ENAH: variants seen among roughly 807,000 people sequenced by gnomAD.
The protein encoded by ENAH is ENAH actin regulator.
Under a neutral mutation model 78.7 loss-of-function variants are expected in ENAH, and 23 were observed. The ratio of observed to expected loss-of-function variants is 0.29; its 90% CI spans 0.21 to 0.41. The LOEUF is 0.41. ENAH is among the 10% of genes least tolerant of loss of function. The probability of loss-of-function intolerance (pLI) is 1.00; values close to 1 mark genes in which losing one functional copy is unlikely to be tolerated. For missense variants in ENAH, 544 were observed against 691.0 expected (o/e 0.79, Z 2.39); for synonymous variants, 226 against 241.0 (o/e 0.94, Z 0.58).
chr1:225,637,882 C>T lies in ENAH; in HGVS notation c.5+14804G>A, dbSNP rs571395342. On this transcript the variant is annotated intron_variant, in intron 1 of 13. Transcript: ENST00000366843. ...AGGTTGCAGTGAGCTATGATCGCGC[C>T]ACTGCATTTCAGCCTGTGTAACAGT... 5.3e-5 allele frequency among the ~76,000 whole-genome samples: 8 copies of T among 152,220 alleles called. No homozygotes were observed. In the South Asian group the frequency reaches 1.0e-3, roughly 20 times the overall value.
chr1:225,543,605 T>C (rs1451081715), intron 3 of ENAH, among the ~76,000 whole-genome samples: 1 of 152,146 alleles, frequency 6.6e-6, no homozygotes, highest in African/African-American at 2.4e-5. Flanking sequence ...GTGGATATTT[T>C]TGACCATGAC....
chr1:225,619,280 C>T (rs918680240), intron 1 of ENAH, among the ~76,000 whole-genome samples: 1 of 152,140 alleles, frequency 6.6e-6, no homozygotes, highest in East Asian at 1.9e-4. Flanking sequence ...CGGTGGGTCA[C>T]GCCTGTAATC....
At chr1:225,639,406 T>C (rs1660617438) in intron 1 of ENAH, among the ~76,000 whole-genome samples, 1 of 152,212 alleles carries the variant, frequency 6.6e-6, no homozygotes, top group Admixed American at 6.5e-5. Flanking sequence ...GTAACAGTAC[T>C]AAGAAGTGAT....
chr1:225,634,763 T>C (rs1659759632), intron 1 of ENAH, among the ~76,000 whole-genome samples: 3 of 152,246 alleles, frequency 2.0e-5, no homozygotes, highest in Non-Finnish European at 1.5e-5. Flanking sequence ...CACTGGTCTG[T>C]AGGTCTGGTC....
At chr1:225,645,606 C>G (rs1169992809) in intron 1 of ENAH, among the ~76,000 whole-genome samples, 2 of 152,182 alleles carry the variant, frequency 1.3e-5, no homozygotes, top group Non-Finnish European at 2.9e-5. Flanking sequence ...AAACTGTTTT[C>G]TAAAGCAGCT....
chr1:225,503,859 C>T (rs1215035728), intron 11 of ENAH, among the ~76,000 whole-genome samples: 19 of 152,018 alleles, frequency 1.2e-4, no homozygotes, highest in Admixed American at 1.2e-3. Context: ...CTATGAACAC[C>T]ACTTAATTCA....
intron 10 of ENAH, among the ~76,000 whole-genome samples, chr1:225,510,804 G>A (rs1300236064): frequency 1.3e-5 from 2 of 151,954 alleles, no homozygotes; most frequent in South Asian, 2.1e-4. Context: ...TTGAGCTCAG[G>A]AGTTTGAGAC....
Position 225,572,205 on chromosome 1 carries a change from GAAGT to G in ENAH, c.6-4795_6-4792del, listed in dbSNP as rs1226104273. 1.4e-4 allele frequency among the ~76,000 whole-genome samples: 22 copies of G among 152,178 alleles called. No homozygotes were observed. The South Asian group carries it at 4.4e-3, about 30-fold the overall frequency. On this transcript the variant is annotated intron_variant, in intron 1 of 13. Transcript: ENST00000366843. The stretch of plus-strand genomic sequence containing the variant: ...GGTGAAATCTCGAGAAGAGACTGTT[GAAGT>G]AAGGAAAAAAGCTACTCACATACTA...
intron 1 of ENAH, among the ~76,000 whole-genome samples, chr1:225,579,726 T>C (rs1224769131): frequency 1.3e-5 from 2 of 152,236 alleles, no homozygotes; most frequent in African/African-American, 2.4e-5. Context: ...CACATGAACT[T>C]TGAAATCTAT....
chr1:225,503,888 T>C (rs899469319), intron 11 of ENAH, among the ~76,000 whole-genome samples: 5 of 152,132 alleles, frequency 3.3e-5, no homozygotes, highest in African/African-American at 1.2e-4. Context: ...GTGAACTTGA[T>C]GTATATTTTT....
rs949272439 is a variant in ENAH, at chr1:225,492,566, C to A, written c.*5209G>T. On this transcript the variant is annotated 3_prime_UTR_variant, in exon 14 of 14. Coordinates refer to ENST00000366843, the MANE Select transcript of ENAH (RefSeq NM_018212.6). Reference sequence around the variant, plus strand: ...TGAGTATTTAACATGCTTCACAGAACGGGGGTGCAGCTCAGTGACTGTGAT... The same window carrying A: ...TGAGTATTTAACATGCTTCACAGAAAGGGGGTGCAGCTCAGTGACTGTGAT... 1 of 152,104 alleles carries A rather than the reference C, an allele frequency of 6.6e-6. No individual in the cohort carries two copies. Among genetic ancestry groups the A allele is most frequent in the East Asian group, 1.9e-4 (1 of 5,192 alleles). 9.4% of individuals were successfully genotyped at this position (152,104 alleles called of 1,614,324 possible).
intron 1 of ENAH, among the ~76,000 whole-genome samples, chr1:225,630,344 G>A (rs908343096): frequency 1.3e-5 from 2 of 152,176 alleles, no homozygotes; most frequent in African/African-American, 4.8e-5. Flanking sequence ...TGGACTGTTG[G>A]TGTTTGAATT....
chr1:225,552,724 G>A (rs1215152391), intron 3 of ENAH, among the ~76,000 whole-genome samples: 1 of 152,102 alleles, frequency 6.6e-6, no homozygotes, highest in Non-Finnish European at 1.5e-5. Context: ...AGTATGAGTG[G>A]TTGAGATTGT....
At chr1:225,604,759 C>T (rs1042858440) in intron 1 of ENAH, among the ~76,000 whole-genome samples, 7 of 152,080 alleles carry the variant, frequency 4.6e-5, no homozygotes, top group Non-Finnish European at 8.8e-5. Flanking sequence ...CGCCATTGCA[C>T]TCCAGCCTGG....
chr1:225,616,123 G>A (rs1038824895), intron 1 of ENAH, among the ~76,000 whole-genome samples: 7 of 152,088 alleles, frequency 4.6e-5, no homozygotes, highest in African/African-American at 1.7e-4. Flanking sequence ...ACAGATGCTT[G>A]AAGGCAGCAT....
chr1:225,649,050 T>C (rs979078336), intron 1 of ENAH, among the ~76,000 whole-genome samples: 1 of 152,106 alleles, frequency 6.6e-6, no homozygotes, highest in African/African-American at 2.4e-5. Context: ...GAAATAGGCC[T>C]GGAAACAGGA....
chr1:225,530,528 G>A (rs1205928846), intron 4 of ENAH, 26 bp downstream of exon 4: 3 of 1,569,610 alleles, frequency 1.9e-6, no homozygotes, highest in Non-Finnish European at 2.6e-6. Context: ...TAAAGAAAAA[G>A]TACAAACAAT....
intron 1 of ENAH, among the ~76,000 whole-genome samples, chr1:225,645,404 T>C (rs1661780312): frequency 6.6e-6 from 1 of 152,260 alleles, no homozygotes; most frequent in Non-Finnish European, 1.5e-5. Context: ...TTCTGTTGTA[T>C]GGACATACCA....
intron 1 of ENAH, among the ~76,000 whole-genome samples, chr1:225,614,501 C>T (rs112308901): frequency 6.6e-6 from 1 of 152,210 alleles, no homozygotes; most frequent in East Asian, 1.9e-4. Flanking sequence ...TGTGTTCTTG[C>T]TCATCCATCT....
Sources: gnomAD v4.1 joint callset for allele counts (sites outside exome capture counted in the v4.1 genomes callset) on GRCh38, gnomAD v4.1.1 for gene constraint, MANE v1.5 for transcripts, NCBI Gene and HGNC (gene_info 2026-07-23, HGNC 2026-07-21) for gene names.